L3MBTL3: variants seen among roughly 807,000 people sequenced by gnomAD.
L3MBTL3 encodes the protein lethal(3)malignant brain tumor-like protein 3.
In L3MBTL3, 27 loss-of-function variants were observed where a neutral mutation model predicts 102.3. That is an observed-to-expected ratio of 0.26 (90% CI 0.19 to 0.36). L3MBTL3 has a LOEUF of 0.36. L3MBTL3 is among the 10% of genes least tolerant of loss of function. The probability of loss-of-function intolerance (pLI) is 1.00; values close to 1 mark genes in which losing one functional copy is unlikely to be tolerated. For synonymous variants in L3MBTL3, 340 were observed against 320.9 expected, an observed-to-expected ratio of 1.06 and a Z score of -0.64; for missense variants, 798 against 955.3, an observed-to-expected ratio of 0.84 and a Z score of 2.17.
At position 130,066,424 on chromosome 6, in the gene L3MBTL3, C is replaced by G. The variant is rs139205810; in HGVS notation, c.936C>G (p.Asp312Glu). 1 of 1,611,440 alleles carries G rather than the reference C, an allele frequency of 6.2e-7. No homozygotes were observed. Among genetic ancestry groups the G allele is most frequent in the Non-Finnish European group, 8.5e-7 (1 of 1,178,204 alleles). Residue 312 changes from aspartate to glutamate, a missense_variant, in exon 11 of 23, where the codon GAC (aspartate) becomes GAG (glutamate). This residue lies in a region of L3MBTL3 where 434 missense variants were observed against 506.6 expected (regional missense o/e 0.86). Transcript: ENST00000361794. The stretch of plus-strand genomic sequence containing the variant: ...GCTATGACTTCTGGGTGAATGCAGA[C>G]GCTCTGGATATCCACCCAGTTGGGT... Reference protein sequence around the residue: ...SDCYDFWVNADALDIHPVGWC... With the variant: ...SDCYDFWVNAEALDIHPVGWC...
chr6:130,030,665 TAAAAAAAAAAAA>T (rs548921467), intron 2 of L3MBTL3, among the ~76,000 whole-genome samples: 30 of 48,544 alleles, frequency 6.2e-4, no homozygotes, highest in African/African-American at 1.3e-3. Flanking sequence ...AGACTCTACC[TAAAAAAAAAAAA>T]AAAAAAAAAA....
chr6:130,033,723 A>G (rs886754610), intron 2 of L3MBTL3, among the ~76,000 whole-genome samples: 6 of 152,182 alleles, frequency 3.9e-5, no homozygotes, highest in Non-Finnish European at 8.8e-5. Context: ...TTAACTCATA[A>G]CCGTAGTATT....
chr6:130,088,324 A>C (rs961546810), intron 16 of L3MBTL3, among the ~76,000 whole-genome samples: 3 of 152,178 alleles, frequency 2.0e-5, no homozygotes, highest in Non-Finnish European at 4.4e-5. Flanking sequence ...AGAATTCATC[A>C]GAAGCTTCTG....
intron 5 of L3MBTL3, among the ~76,000 whole-genome samples, chr6:130,050,559 A>C (rs1294701423): frequency 1.3e-5 from 2 of 152,162 alleles, no homozygotes; most frequent in East Asian, 3.8e-4. Context: ...CTACTTCTGG[A>C]CCTTGTTTAT....
At chr6:130,051,525 C>A in intron 6 of L3MBTL3, 117 bp downstream of exon 6, 1 of 940,100 alleles carries the variant, frequency 1.1e-6, no homozygotes, top group Non-Finnish European at 1.6e-6. Context: ...ACCTTTTTCC[C>A]AGAGACTTTT....
intron 6 of L3MBTL3, among the ~76,000 whole-genome samples, chr6:130,051,650 C>G (rs1439924080): frequency 2.0e-5 from 3 of 152,230 alleles, no homozygotes; most frequent in Non-Finnish European, 4.4e-5. Context: ...CCTCTGCCTT[C>G]AGTCTTCCAT....
chr6:130,137,286 G>A (rs970780071), intron 22 of L3MBTL3, among the ~76,000 whole-genome samples: 4 of 152,144 alleles, frequency 2.6e-5, no homozygotes, highest in African/African-American at 9.7e-5. Flanking sequence ...TTTGTTTTAG[G>A]CCATTAGCAA....
At chr6:130,077,621 T>C (rs1287192938) in intron 13 of L3MBTL3, among the ~76,000 whole-genome samples, 7 of 152,254 alleles carry the variant, frequency 4.6e-5, no homozygotes, top group African/African-American at 1.7e-4. Flanking sequence ...GACTGTGTGC[T>C]AATCTCACCC....
At chr6:130,062,636 C>T (rs1360664353) in intron 10 of L3MBTL3, among the ~76,000 whole-genome samples, 2 of 149,300 alleles carry the variant, frequency 1.3e-5, no homozygotes, top group East Asian at 3.9e-4. Flanking sequence ...CTCAAGCAGT[C>T]CTCCCATCTT....
intron 22 of L3MBTL3, among the ~76,000 whole-genome samples, chr6:130,138,908 G>T (rs557232516): frequency 6.6e-6 from 1 of 152,254 alleles, no homozygotes; most frequent in Non-Finnish European, 1.5e-5. Context: ...AACTTCTAGA[G>T]AATAGTAGCC....
chr6:130,035,838 A>G (rs1167302640), intron 2 of L3MBTL3, among the ~76,000 whole-genome samples: 2 of 152,240 alleles, frequency 1.3e-5, no homozygotes, highest in Non-Finnish European at 1.5e-5. Context: ...CTGGTAGCAC[A>G]GAGGACCCAC....
In L3MBTL3 at chr6:130,060,077, C is replaced by A. The variant is rs1179630573; in HGVS notation, c.801C>A (p.Gly267=). 1 of 1,613,558 alleles carries A rather than the reference C, an allele frequency of 6.2e-7. No homozygotes were observed. Among genetic ancestry groups the A allele is most frequent in the Admixed American group, 1.7e-5 (1 of 59,980 alleles). ...FPYNKNGFKV[G]MKLEGVDPEH... ...ATAACAAAAATGGATTCAAAGTTGG[C>A]ATGAAATTAGAAGGCGTGGATCCTG... Residue 267 remains glycine (G), a synonymous_variant, in exon 10 of 23, where the codon GGC becomes GGA. Coordinates refer to ENST00000361794, the MANE Select transcript of L3MBTL3 (RefSeq NM_032438.4).
intron 2 of L3MBTL3, among the ~76,000 whole-genome samples, chr6:130,034,337 A>G (rs1192880487): frequency 1.3e-5 from 2 of 152,204 alleles, no homozygotes; most frequent in African/African-American, 4.8e-5. Context: ...TCCTTCCGTA[A>G]AATTGCTAAA....
At chr6:130,035,236 G>A (rs1046252854) in intron 2 of L3MBTL3, among the ~76,000 whole-genome samples, 1 of 152,188 alleles carries the variant, frequency 6.6e-6, no homozygotes, top group Non-Finnish European at 1.5e-5. Context: ...TGAGTGGTCT[G>A]CTTCCTCATA....
At position 130,023,392 on chromosome 6, in the gene L3MBTL3, A is replaced by G. The variant is rs1779133210; in HGVS notation, c.-16+1087A>G. On this transcript the variant is annotated intron_variant, in intron 2 of 22. Coordinates refer to ENST00000361794, the MANE Select transcript of L3MBTL3 (RefSeq NM_032438.4). Reference sequence around the variant, plus strand: ...CAATGGGGCAAGAACAGCTATAGGAAGGTCCTGCAGACAACTAGGGTTCAA... The same window carrying G: ...CAATGGGGCAAGAACAGCTATAGGAGGGTCCTGCAGACAACTAGGGTTCAA... 2.0e-5 allele frequency among the ~76,000 whole-genome samples: 3 copies of G among 152,184 alleles called. No homozygotes were observed. In the South Asian group the frequency reaches 6.2e-4, roughly 31 times the overall value.
intron 2 of L3MBTL3, among the ~76,000 whole-genome samples, chr6:130,027,088 G>A (rs115716047): frequency 0.017 from 2,540 of 152,202 alleles, 59 homozygotes; most frequent in African/African-American, 0.057. Flanking sequence ...TGCAAAATGA[G>A]GTGAAGAGTC....
intron 18 of L3MBTL3, among the ~76,000 whole-genome samples, chr6:130,100,325 C>T (rs558045188): frequency 6.6e-6 from 1 of 152,194 alleles, no homozygotes; most frequent in Admixed American, 6.5e-5. Context: ...AACCAGGCTC[C>T]CTGATGTCCG....
intron 4 of L3MBTL3, 55 bp downstream of exon 4, chr6:130,049,448 A>G: frequency 8.4e-7 from 1 of 1,187,234 alleles, no homozygotes; most frequent in Admixed American, 2.2e-5. Context: ...TTGAAATAAG[A>G]ATATCTAAAG....
chr6:130,018,822 G>T (rs948734930), intron 1 of L3MBTL3, among the ~76,000 whole-genome samples, 158 bp downstream of exon 1: 18 of 152,050 alleles, frequency 1.2e-4, no homozygotes, highest in Admixed American at 2.0e-4. Context: ...GGGAGGGGAG[G>T]GACAGAAGGG....
Sources: allele counts gnomAD v4.1 joint callset (sites outside exome capture counted in the v4.1 genomes callset), GRCh38; gene constraint gnomAD v4.1.1; regional missense constraint gnomAD v4.1.1; transcripts MANE v1.5; gene names NCBI Gene and HGNC (gene_info 2026-07-23, HGNC 2026-07-21).